The following PCDH9 variants were observed in gnomAD, a reference collection of about 807,000 sequenced individuals.
PCDH9 encodes protocadherin 9.
A neutral mutation model predicts 70.6 loss-of-function variants in PCDH9; 24 were observed. The observed-to-expected ratio is 0.34, with a 90% confidence interval of 0.25 to 0.48. The LOEUF (loss-of-function observed/expected upper bound fraction) is 0.48. Ranked by LOEUF, PCDH9 falls within the 20% of genes least tolerant of loss-of-function variation. The pLI is 0.99. For missense variants in PCDH9, 1,281 were observed against 1,503.6 expected, an observed-to-expected ratio of 0.85 and a Z score of 2.45; for synonymous variants, 562 against 558.5, an observed-to-expected ratio of 1.01 and a Z score of -0.09.
intron 2 of PCDH9, among the ~76,000 whole-genome samples, chr13:67,147,161 C>T (rs1180046764): frequency 6.6e-6 from 1 of 152,136 alleles, no homozygotes; most frequent in Non-Finnish European, 1.5e-5. Flanking sequence ...CTTCCGAAAT[C>T]ATCATTTTCA....
intron 3 of PCDH9, among the ~76,000 whole-genome samples, chr13:66,780,364 G>C (rs1402223480): frequency 6.6e-6 from 1 of 151,976 alleles, no homozygotes; most frequent in Non-Finnish European, 1.5e-5. Context: ...TTCTTGCTTT[G>C]GAAAGCATGG....
intron 3 of PCDH9, among the ~76,000 whole-genome samples, chr13:66,876,337 C>T (rs566149078): frequency 1.3e-5 from 2 of 152,040 alleles, no homozygotes; most frequent in Non-Finnish European, 2.9e-5. Context: ...TATTCAGTTA[C>T]TGCTGATTAA....
intron 4 of PCDH9, among the ~76,000 whole-genome samples, chr13:66,568,027 C>T (rs1367405557): frequency 1.3e-5 from 2 of 152,006 alleles, no homozygotes; most frequent in Admixed American, 6.6e-5. Flanking sequence ...CTGTGCCCAC[C>T]CAAAATTTAT....
chr13:66,469,220 T>C (rs928452763), intron 4 of PCDH9, among the ~76,000 whole-genome samples: 7 of 151,982 alleles, frequency 4.6e-5, no homozygotes, highest in Admixed American at 6.6e-5. Flanking sequence ...GCAGTTAGAG[T>C]TGACAGATTA....
chr13:66,934,155 G>A lies in PCDH9; in HGVS notation c.3037-30550C>T, dbSNP rs374249327. On this transcript the variant is annotated intron_variant, in intron 2 of 4. Coordinates refer to ENST00000377865, the MANE Select transcript of PCDH9 (RefSeq NM_203487.3). ...TGAATCAGCATTGACTCAGCAGAAT[G>A]ACTTGACAATATGGCATTGTGGTTA... 4.6e-5 allele frequency among the ~76,000 whole-genome samples: 7 copies of A among 152,238 alleles called. No individual in the cohort carries two copies. In the East Asian group the frequency reaches 9.7e-4, roughly 21 times the overall value.
chr13:67,064,009 C>T (rs968004989), intron 2 of PCDH9, among the ~76,000 whole-genome samples: 1 of 151,970 alleles, frequency 6.6e-6, no homozygotes, highest in African/African-American at 2.4e-5. Context: ...TCTATGAATC[C>T]CCTCTTTGCT....
chr13:66,689,014 A>G (rs1303158881), intron 3 of PCDH9, among the ~76,000 whole-genome samples: 1 of 152,172 alleles, frequency 6.6e-6, no homozygotes, highest in Non-Finnish European at 1.5e-5. Flanking sequence ...GAAGACCAAT[A>G]GATTCAATAC....
intron 2 of PCDH9, among the ~76,000 whole-genome samples, chr13:67,040,689 A>C (rs2085096332): frequency 6.6e-6 from 1 of 152,156 alleles, no homozygotes; most frequent in Non-Finnish European, 1.5e-5. Flanking sequence ...TTAGGTTAAA[A>C]AAAATATATA....
rs1189733612 is a variant in PCDH9, at chr13:66,942,292, G to GA, written c.3037-38688dup. On this transcript the variant is annotated intron_variant, in intron 2 of 4. Coordinates refer to ENST00000377865, the MANE Select transcript of PCDH9 (RefSeq NM_203487.3). ...ATAGCAAAATCACTGGTAATAACCA[G>GA]AAAAAAAGGAAATGATATAGATCAT... Among the ~76,000 whole-genome samples the GA allele has an allele frequency of 2.0e-5, 3 of 151,114 alleles. No individual in the cohort carries two copies. In the South Asian group the frequency reaches 6.2e-4, roughly 31 times the overall value.
At chr13:66,897,917 T>TA (rs1433875713) in intron 3 of PCDH9, among the ~76,000 whole-genome samples, 1 of 152,150 alleles carries the variant, frequency 6.6e-6, no homozygotes, top group African/African-American at 2.4e-5. Context: ...AGGTCAATCT[T>TA]ACCTAAAATG....
At chr13:66,755,615 G>A (rs2079527931) in intron 3 of PCDH9, among the ~76,000 whole-genome samples, 1 of 151,994 alleles carries the variant, frequency 6.6e-6, no homozygotes, top group African/African-American at 2.4e-5. Context: ...TGTGGGGTGG[G>A]GGGGCATCTA....
intron 2 of PCDH9, among the ~76,000 whole-genome samples, chr13:66,995,313 T>C (rs1594365515): frequency 6.6e-6 from 1 of 151,326 alleles, no homozygotes; most frequent in African/African-American, 2.4e-5. Flanking sequence ...GCAAAAGAGG[T>C]GGACAGTGAT....
chr13:66,513,928 T>C (rs1345432866), intron 4 of PCDH9, among the ~76,000 whole-genome samples: 1 of 152,140 alleles, frequency 6.6e-6, no homozygotes, highest in Non-Finnish European at 1.5e-5. Flanking sequence ...AGAAAGCTAT[T>C]TCCTGGCAGT....
At position 66,979,718 on chromosome 13, in the gene PCDH9, T is replaced by A. The variant is rs186670717; in HGVS notation, c.3037-76113A>T. 7.3e-3 allele frequency among the ~76,000 whole-genome samples: 1,108 copies of A among 152,216 alleles called. 6 individuals are homozygous for A. The highest frequency in any genetic ancestry group is 0.013 in the Non-Finnish European group (856 of 67,974). ...TCTGATCATATCCCCCCCTTACAAC[T>A]CCAAACACTACATTTCTAAGACCAC... On this transcript the variant is annotated intron_variant, in intron 2 of 4. Coordinates refer to ENST00000377865, the MANE Select transcript of PCDH9 (RefSeq NM_203487.3).
intron 2 of PCDH9, among the ~76,000 whole-genome samples, chr13:67,146,838 AT>A (rs994456710): frequency 6.6e-6 from 1 of 152,034 alleles, no homozygotes; most frequent in Non-Finnish European, 1.5e-5. Flanking sequence ...GAGTTGTTTT[AT>A]TTTTTTCTGA....
chr13:66,903,377 G>A (rs2082308344), intron 3 of PCDH9, 127 bp downstream of exon 3: 2 of 396,556 alleles, frequency 5.0e-6, no homozygotes, highest in African/African-American at 2.1e-5. Flanking sequence ...AAAAACATTA[G>A]TATAAAAATG....
intron 3 of PCDH9, among the ~76,000 whole-genome samples, chr13:66,836,885 TA>T (rs1156510194): frequency 6.6e-6 from 1 of 152,182 alleles, no homozygotes; most frequent in African/African-American, 2.4e-5. Context: ...AACTTTCCTA[TA>T]AAATAGTCTA....
chr13:67,185,008 G>A (rs2088715270), intron 2 of PCDH9, among the ~76,000 whole-genome samples: 1 of 152,140 alleles, frequency 6.6e-6, no homozygotes. Flanking sequence ...CCTTTGATGA[G>A]AATTGCTTGT....
chr13:66,996,461 G>A (rs1594367202), intron 2 of PCDH9, among the ~76,000 whole-genome samples: 2 of 152,070 alleles, frequency 1.3e-5, no homozygotes, highest in African/African-American at 4.8e-5. Context: ...CACAGAGAAA[G>A]AGATATTTGA....
Sources: allele counts gnomAD v4.1 joint callset (sites outside exome capture counted in the v4.1 genomes callset), GRCh38; gene constraint gnomAD v4.1.1; transcripts MANE v1.5; gene names NCBI Gene and HGNC (gene_info 2026-07-23, HGNC 2026-07-21).